Variants in PTK2 observed in about 807,000 individuals in gnomAD.
The protein encoded by PTK2 is focal adhesion kinase 1.
Under a neutral mutation model 150.1 loss-of-function variants are expected in PTK2, and 45 were observed. The observed-to-expected ratio is 0.30, with a 90% CI of 0.24 to 0.38. The LOEUF (loss-of-function observed/expected upper bound fraction) is 0.38, where lower values mean the gene tolerates loss of function less well. Among genes scored for constraint, PTK2 ranks in the 10% least tolerant of loss-of-function variants. The pLI is 1.00. For synonymous variants in PTK2, 432 were observed against 449.2 expected (o/e 0.96, Z 0.48); for missense variants, 919 against 1,307.3 (o/e 0.70, Z 4.58).
chr8:140,927,961 A>AAAAAAAAAAAAAAAAAAAAAAAAAAAAAG (rs2100170199), intron 1 of PTK2, among the ~76,000 whole-genome samples: 1 of 32,756 alleles, frequency 3.1e-5, no homozygotes, highest in Non-Finnish European at 6.0e-5. Context: ...AAAAAAAGAA[A>AAAAAAAAAAAAAAAAAAAAAAAAAAAAAG]AAAAAAAAAA....
At chr8:140,752,846 A>G (rs1253729054) in intron 16 of PTK2, among the ~76,000 whole-genome samples, 2 of 152,242 alleles carry the variant, frequency 1.3e-5, no homozygotes, top group East Asian at 3.8e-4. Context: ...GCTGGCTAAG[A>G]AACAGCAGGG....
intron 2 of PTK2, among the ~76,000 whole-genome samples, chr8:140,915,033 C>CAA (rs10661609): frequency 0.49 from 25,934 of 53,190 alleles, 5,307 homozygotes; most frequent in East Asian, 0.6. Flanking sequence ...AACTCCAACT[C>CAA]AAAAAAAAAA....
Position 140,818,257 on chromosome 8 carries a change from A to G in PTK2, c.867+20T>C, listed in dbSNP as rs199992906. 8.4e-5 allele frequency: 134 copies of G among 1,597,698 alleles called. No individual in the cohort carries two copies. Among genetic ancestry groups the G allele is most frequent in the Non-Finnish European group, 1.1e-4 (124 of 1,166,020 alleles). On this transcript the variant is annotated intron_variant, in intron 10 of 31. Coordinates refer to ENST00000522684, the Ensembl canonical transcript of PTK2. The stretch of plus-strand genomic sequence containing the variant: ...TTCTTTGTGTAACGCCAAGTTCCCG[A>G]AAGGTCAGAGCAGACTTACATTGCA...
intron 1 of PTK2, among the ~76,000 whole-genome samples, chr8:140,957,525 A>T (rs1334828152): frequency 6.6e-6 from 1 of 152,238 alleles, no homozygotes; most frequent in African/African-American, 2.4e-5. Flanking sequence ...CTAAGTGTAC[A>T]GTATTTATAA....
intron 16 of PTK2, among the ~76,000 whole-genome samples, chr8:140,757,988 AATG>A (rs2100066859): frequency 6.6e-6 from 1 of 152,208 alleles, no homozygotes; most frequent in African/African-American, 2.4e-5. Flanking sequence ...AATACATGAT[AATG>A]ATAATAAACG....
At chr8:140,675,361 AC>A in intron 28 of PTK2, 98 bp downstream of exon 31, 1 of 1,312,128 alleles carries the variant, frequency 7.6e-7, no homozygotes, top group Non-Finnish European at 1.1e-6. Flanking sequence ...GGAAAAATTA[AC>A]CATGAGGGTA....
intron 14 of PTK2, among the ~76,000 whole-genome samples, chr8:140,768,077 C>A (rs1167969484): frequency 6.6e-6 from 1 of 152,102 alleles, no homozygotes; most frequent in African/African-American, 2.4e-5. Context: ...TTAATAATGA[C>A]ATTGACTACT....
chr8:140,870,278 T>C (rs2100141753), intron 4 of PTK2, among the ~76,000 whole-genome samples: 1 of 152,212 alleles, frequency 6.6e-6, no homozygotes, highest in African/African-American at 2.4e-5. Flanking sequence ...TAATCACCCC[T>C]TGGTTTCTTC....
At chr8:140,722,615 T>C (rs1225903323) in intron 22 of PTK2, among the ~76,000 whole-genome samples, 1 of 152,110 alleles carries the variant, frequency 6.6e-6, no homozygotes, top group Non-Finnish European at 1.5e-5. Context: ...GAATGGTCAC[T>C]GGGAGCAGGA....
chr8:140,929,054 C>T (rs1274902675), intron 1 of PTK2, among the ~76,000 whole-genome samples: 1 of 145,370 alleles, frequency 6.9e-6, no homozygotes, highest in East Asian at 2.0e-4. Context: ...CAAGCTCCGC[C>T]TCCCGGGTTC....
At chr8:140,994,666 T>C (rs931562419) in intron 1 of PTK2, among the ~76,000 whole-genome samples, 3 of 152,088 alleles carry the variant, frequency 2.0e-5, no homozygotes, top group Non-Finnish European at 4.4e-5. Context: ...ACTACTGTAG[T>C]TGTTTTGGGG....
intron 10 of PTK2, among the ~76,000 whole-genome samples, chr8:140,810,964 C>G (rs1424676912): frequency 6.6e-6 from 1 of 152,228 alleles, no homozygotes; most frequent in Non-Finnish European, 1.5e-5. Flanking sequence ...CAACCCCCCA[C>G]CCAAACCGTG....
intron 1 of PTK2, among the ~76,000 whole-genome samples, chr8:140,949,404 C>A (rs949030774): frequency 2.6e-5 from 4 of 152,154 alleles, no homozygotes; most frequent in Non-Finnish European, 4.4e-5. Context: ...GCAGGAGCCC[C>A]ACATTCCCAG....
intron 20 of PTK2, among the ~76,000 whole-genome samples, chr8:140,739,792 G>A (rs2100054650): frequency 2.0e-5 from 3 of 152,096 alleles, no homozygotes; most frequent in Non-Finnish European, 2.9e-5. Flanking sequence ...TCCCCTCCCA[G>A]CCCTGACCCT....
intron 1 of PTK2, among the ~76,000 whole-genome samples, chr8:140,946,907 T>C (rs983085741): frequency 5.3e-5 from 8 of 152,230 alleles, no homozygotes; most frequent in African/African-American, 1.9e-4. Context: ...TGTAAAGTCA[T>C]AGTTCAAACC....
chr8:140,806,275 ATT>A (rs1018479635), intron 10 of PTK2, among the ~76,000 whole-genome samples: 1 of 152,200 alleles, frequency 6.6e-6, no homozygotes, highest in African/African-American at 2.4e-5. Flanking sequence ...TTGAAGTTTT[ATT>A]AAGAGTTCCT....
At chr8:140,990,177 T>G (rs1183451038) in intron 1 of PTK2, among the ~76,000 whole-genome samples, 1 of 152,054 alleles carries the variant, frequency 6.6e-6, no homozygotes, top group Non-Finnish European at 1.5e-5. Context: ...GTACATTTAA[T>G]GGTCATCGCA....
intron 22 of PTK2, chr8:140,732,642 G>C: frequency 2.0e-6 from 1 of 493,722 alleles, no homozygotes; most frequent in Non-Finnish European, 4.1e-6. Flanking sequence ...TGAGCTCCTC[G>C]AGGGCAGGAA....
intron 16 of PTK2, among the ~76,000 whole-genome samples, chr8:140,757,461 A>G (rs927195452): frequency 2.0e-5 from 3 of 152,196 alleles, no homozygotes; most frequent in African/African-American, 7.2e-5. Flanking sequence ...GCACAAGAGT[A>G]AAGGCTTCCA....
Sources: allele counts gnomAD v4.1 joint callset (sites outside exome capture counted in the v4.1 genomes callset), GRCh38; gene constraint gnomAD v4.1.1; transcripts MANE v1.5; gene names NCBI Gene and HGNC (gene_info 2026-07-23, HGNC 2026-07-21).